Variants in ZBTB38 observed in about 807,000 individuals in gnomAD.
ZBTB38 encodes the protein zinc finger and BTB domain-containing protein 38.
Under a neutral mutation model 76.8 loss-of-function variants are expected in ZBTB38, and 20 were observed. The ratio of observed to expected loss-of-function variants is 0.26; its 90% CI spans 0.18 to 0.38. The LOEUF (loss-of-function observed/expected upper bound fraction) is 0.38, where lower values mean the gene tolerates loss of function less well. Ranked by LOEUF, ZBTB38 falls within the 10% of genes least tolerant of loss-of-function variation. ZBTB38 has a pLI of 1.00. For missense variants in ZBTB38, 1,082 were observed against 1,482.3 expected, an observed-to-expected ratio of 0.73 and a Z score of 4.43; for synonymous variants, 504 against 544.2, an observed-to-expected ratio of 0.93 and a Z score of 1.03.
At chr3:141,340,962 G>GAAAAGAAAAGA (rs745536086) in intron 1 of ZBTB38, among the ~76,000 whole-genome samples, 45 of 131,694 alleles carry the variant, frequency 3.4e-4, no homozygotes, top group Admixed American at 9.2e-4. Flanking sequence ...AAGAAAGAAA[G>GAAAAGAAAAGA]AAAGAAAGAA....
chr3:141,364,597 A>C (rs893696921), upstream of ZBTB38, among the ~76,000 whole-genome samples: 1 of 147,040 alleles, frequency 6.8e-6, no homozygotes, highest in African/African-American at 2.5e-5. Context: ...GAATCGCTTG[A>C]ACCCGGGAGG....
chr3:141,400,554 C>T (rs890755795), intron 4 of ZBTB38, among the ~76,000 whole-genome samples: 1 of 152,178 alleles, frequency 6.6e-6, no homozygotes, highest in Non-Finnish European at 1.5e-5. Flanking sequence ...GTGACCCTGG[C>T]AGATTACCCA....
chr3:141,383,542 T>G (rs1289462740), intron 3 of ZBTB38: 3 of 152,242 alleles, frequency 2.0e-5, no homozygotes, highest in Non-Finnish European at 1.5e-5. Context: ...ATAAACCAAG[T>G]ATTCCTCTGG....
chr3:141,325,540 G>T (rs1380265071), intron 1 of ZBTB38, among the ~76,000 whole-genome samples: 2 of 152,168 alleles, frequency 1.3e-5, no homozygotes, highest in East Asian at 3.8e-4. Flanking sequence ...ACATATTAAA[G>T]TTCTCAAGGT....
At position 141,414,334 on chromosome 3, in the gene ZBTB38, G is replaced by A. The variant is rs79976810; in HGVS notation, c.-1+10303G>A. The stretch of plus-strand genomic sequence containing the variant: ...AGTTGCACGCCATTTGACTCAGTCC[G>A]CTGATCCGAATTCCCTCAGTGGCAA... On this transcript the variant is annotated intron_variant, in intron 5 of 5. Transcript: ENST00000321464. Among the ~76,000 whole-genome samples, 322 of 152,290 alleles carry A rather than the reference G, an allele frequency of 2.1e-3. 4 individuals carry two copies. The East Asian group carries it at 0.036, about 17-fold the overall frequency.
At position 141,386,654 on chromosome 3, in the gene ZBTB38, T is replaced by C. The variant is rs189153771; in HGVS notation, c.-171-218T>C. The C allele has an allele frequency of 5.4e-4, 82 of 152,722 alleles. 1 individual carries two copies. Among genetic ancestry groups the C allele is most frequent in the African/African-American group, 1.9e-3 (77 of 41,580 alleles). The allele number at this position is 152,722 out of a possible 1,614,324, so 9.5% of individuals were successfully genotyped here. A position where few individuals can be genotyped will look rare whatever the true frequency, so the allele number is the denominator to read the frequency against. ...TTGAAAGCTTTCTTCAGGAAGAGAATATGAGAGTGTTCTTTCCAGCTTATT... is the reference window on the plus strand; with the variant it reads ...TTGAAAGCTTTCTTCAGGAAGAGAACATGAGAGTGTTCTTTCCAGCTTATT... On this transcript the variant is annotated intron_variant, in intron 3 of 5. Coordinates refer to ENST00000321464, the MANE Select transcript of ZBTB38 (RefSeq NM_001376113.1).
intron 1 of ZBTB38, among the ~76,000 whole-genome samples, chr3:141,361,601 A>T (rs1002821794): frequency 2.6e-5 from 4 of 152,260 alleles, no homozygotes; most frequent in African/African-American, 9.6e-5. Flanking sequence ...CTTGAAAAAT[A>T]GAAAACCCCA....
Position 141,445,382 on chromosome 3 carries a change from A to G in ZBTB38, c.2994A>G (p.Gln998=). 1 of 1,614,138 alleles carries G rather than the reference A, an allele frequency of 6.2e-7. No individual in the cohort carries two copies. Among genetic ancestry groups the G allele is most frequent in the Non-Finnish European group, 8.5e-7 (1 of 1,180,010 alleles). ...ACAAAGCAGTGGGGGCTGGAAACCA[A>G]GGAAGGCCCCACCGACATCTTACTT... ...DGDKAVGAGN[Q]GRPHRHLTSR... The change falls in exon 6 of 6, where the codon CAA becomes CAG. Residue 998 remains glutamine (Q), a synonymous_variant. Transcript: ENST00000321464. This position sits in a 1 kb window ranked among gnomAD's most constrained non-coding sequence, Gnocchi z 6.5.
At chr3:141,412,994 C>T (rs558235668) in intron 5 of ZBTB38, among the ~76,000 whole-genome samples, 3 of 152,338 alleles carry the variant, frequency 2.0e-5, no homozygotes, top group Admixed American at 1.3e-4. Context: ...CAATCCTGTG[C>T]TGCCTTCGAG....
intron 1 of ZBTB38, among the ~76,000 whole-genome samples, chr3:141,342,727 T>C (rs75496595): frequency 9.0e-6 from 1 of 110,792 alleles, no homozygotes; most frequent in Non-Finnish European, 1.6e-5. Flanking sequence ...CCCATGATCT[T>C]TTTTTTTTTT....
intron 1 of ZBTB38, among the ~76,000 whole-genome samples, chr3:141,325,013 G>T (rs1942630010): frequency 6.6e-6 from 1 of 152,316 alleles, no homozygotes; most frequent in South Asian, 2.1e-4. Flanking sequence ...ACAGCCGTTT[G>T]TTCTGTGTCT....
chr3:141,393,341 C>A (rs1949434006), intron 4 of ZBTB38, among the ~76,000 whole-genome samples: 1 of 152,168 alleles, frequency 6.6e-6, no homozygotes, highest in Admixed American at 6.5e-5. Flanking sequence ...CTGAGCATGA[C>A]GTAGAGTCCC....
At chr3:141,392,199 A>G (rs1316211460) in intron 4 of ZBTB38, among the ~76,000 whole-genome samples, 1 of 152,162 alleles carries the variant, frequency 6.6e-6, no homozygotes, top group East Asian at 1.9e-4. Flanking sequence ...GCCCTGAAAC[A>G]TTCCACAACA....
intron 4 of ZBTB38, among the ~76,000 whole-genome samples, chr3:141,395,841 T>C (rs1298507986): frequency 6.6e-6 from 1 of 152,222 alleles, no homozygotes; most frequent in Non-Finnish European, 1.5e-5. Context: ...ATATAAAAGT[T>C]GTGTTTGCAT....
intron 3 of ZBTB38, among the ~76,000 whole-genome samples, 176 bp downstream of exon 3, chr3:141,381,663 C>T (rs1469146629): frequency 6.6e-6 from 1 of 152,198 alleles, no homozygotes; most frequent in Non-Finnish European, 1.5e-5. Flanking sequence ...CTCCTATTCC[C>T]AGGTAGGGTG....
intron 5 of ZBTB38, among the ~76,000 whole-genome samples, chr3:141,412,597 A>G (rs1957044659): frequency 6.6e-6 from 1 of 152,064 alleles, no homozygotes; most frequent in South Asian, 2.1e-4. Context: ...TTTAATGTAG[A>G]CAACTTATTT....
intron 5 of ZBTB38, among the ~76,000 whole-genome samples, chr3:141,425,544 C>G (rs961357634): frequency 2.6e-5 from 4 of 152,212 alleles, no homozygotes; most frequent in Admixed American, 2.6e-4. Context: ...TTCTGGCAGG[C>G]ACTGCAGCCC....
chr3:141,415,598 A>T (rs1486103233), intron 5 of ZBTB38, among the ~76,000 whole-genome samples: 1 of 152,126 alleles, frequency 6.6e-6, no homozygotes, highest in East Asian at 1.9e-4. Flanking sequence ...TGCTCTAGAC[A>T]CTCTGGCGAA....
chr3:141,335,796 T>C (rs908935525), intron 1 of ZBTB38, among the ~76,000 whole-genome samples: 2 of 152,232 alleles, frequency 1.3e-5, no homozygotes, highest in Non-Finnish European at 2.9e-5. Context: ...CTGTTTAAAA[T>C]GACCTGATTT....
Sources: allele counts gnomAD v4.1 joint callset (sites outside exome capture counted in the v4.1 genomes callset), GRCh38; gene constraint gnomAD v4.1.1; non-coding constraint Gnocchi (gnomAD v3.1); transcripts MANE v1.5; gene names NCBI Gene and HGNC (gene_info 2026-07-23, HGNC 2026-07-21).